Variants in NIPA2 observed in about 807,000 individuals in gnomAD.
The protein encoded by NIPA2 is NIPA magnesium transporter 2, also known as magnesium transporter NIPA2.
NIPA2 carries 11 observed loss-of-function variants against 29.7 expected under a neutral mutation model. The ratio of observed to expected loss-of-function variants is 0.37; its 90% CI spans 0.23 to 0.61. The LOEUF (loss-of-function observed/expected upper bound fraction) is 0.61. Ranked by LOEUF, NIPA2 falls within the 20% of genes least tolerant of loss-of-function variation. The pLI, the probability that NIPA2 is intolerant of heterozygous loss-of-function variation, is 0.66. For missense variants in NIPA2, 426 were observed against 437.9 expected (o/e 0.97, Z 0.24); for synonymous variants, 183 against 161.9 (o/e 1.13, Z -0.99).
In NIPA2 at chr15:22,867,269, CTG is replaced by C. The variant is rs2059161460; in HGVS notation, c.*425_*426del. On this transcript the variant is annotated 3_prime_UTR_variant, in exon 8 of 8. Transcript: ENST00000337451. Reference sequence around the variant, plus strand: ...AACAGAGTTATCCCAATACATTATCCTGTGATTTACCTTACCTACAAAAGTGG... The same window carrying C: ...AACAGAGTTATCCCAATACATTATCCTGATTTACCTTACCTACAAAAGTGG... 2.5e-6 allele frequency: 1 copy of C among 399,422 alleles called. No individual in the cohort carries two copies. The highest frequency in any genetic ancestry group is 3.6e-5 in the East Asian group (1 of 28,040). 24.7% of individuals were successfully genotyped at this position (399,422 alleles called of 1,614,324 possible).
intron 7 of NIPA2, among the ~76,000 whole-genome samples, chr15:22,864,492 C>T (rs1365787414): frequency 2.0e-5 from 3 of 152,074 alleles, no homozygotes; most frequent in Admixed American, 2.0e-4. Flanking sequence ...CTGGTCAGAT[C>T]CCCAGCAAAA....
chr15:22,846,361 T>C (rs1373327674), intron 3 of NIPA2, among the ~76,000 whole-genome samples: 1 of 151,092 alleles, frequency 6.6e-6, no homozygotes, highest in Non-Finnish European at 1.5e-5. Flanking sequence ...AAGCTCCTGG[T>C]TTTTACCAGA....
rs189578547 is a variant in NIPA2, at chr15:22,856,912, T to C, written c.197-1628T>C. The stretch of plus-strand genomic sequence containing the variant: ...TTTGTGAGATCATGCCTCTGCCCTG[T>C]GTAGGATTCCTCAGTAGCTTTTCAA... On this transcript the variant is annotated intron_variant, in intron 5 of 7. Transcript: ENST00000337451. Among the ~76,000 whole-genome samples, 1,133 of 152,338 alleles carry C rather than the reference T, an allele frequency of 7.4e-3. 7 individuals carry two copies. Among genetic ancestry groups the C allele is most frequent in the South Asian group, 0.015 (72 of 4,832 alleles).
intron 3 of NIPA2, among the ~76,000 whole-genome samples, chr15:22,850,581 C>T (rs1380654844): frequency 6.6e-6 from 1 of 152,164 alleles, no homozygotes; most frequent in African/African-American, 2.4e-5. Flanking sequence ...GTTATCACTC[C>T]TTATTTAACT....
rs1020825294 is a variant in NIPA2 at position 22,838,746 on chromosome 15, C to T, written c.-527C>T. On this transcript the variant is annotated 5_prime_UTR_variant, in exon 1 of 8. Transcript: ENST00000337451. Reference sequence around the variant, plus strand: ...TTGGCAGGTTTTCCTCGGCGCTTCTCCATGGAGGAGGCGGTGCGAACGGCT... The same window carrying T: ...TTGGCAGGTTTTCCTCGGCGCTTCTTCATGGAGGAGGCGGTGCGAACGGCT... The T allele has an allele frequency of 2.6e-5, 4 of 152,608 alleles. No homozygotes were observed. The highest frequency in any genetic ancestry group is 9.6e-5 in the African/African-American group (4 of 41,468). 9.5% of individuals were successfully genotyped at this position (152,608 alleles called of 1,614,324 possible).
chr15:22,864,724 C>G (rs1317489585), intron 7 of NIPA2, among the ~76,000 whole-genome samples: 1 of 152,218 alleles, frequency 6.6e-6, no homozygotes, highest in African/African-American at 2.4e-5. Flanking sequence ...CACTTTGTAT[C>G]TTTTGAGCAT....
intron 7 of NIPA2, 51 bp from the exon 8 acceptor site, chr15:22,866,162 T>C: frequency 6.7e-7 from 1 of 1,495,578 alleles, no homozygotes; most frequent in Non-Finnish European, 9.2e-7. Context: ...CATTCTGTGT[T>C]TAAGAACAAC....
chr15:22,864,536 C>T (rs529374688), intron 7 of NIPA2, among the ~76,000 whole-genome samples: 1 of 152,266 alleles, frequency 6.6e-6, no homozygotes, highest in Non-Finnish European at 1.5e-5. Context: ...CTGTGGGCAT[C>T]CTGGGAATTG....
At chr15:22,841,620 T>G (rs562888257) in intron 2 of NIPA2, among the ~76,000 whole-genome samples, 18 of 152,258 alleles carry the variant, frequency 1.2e-4, no homozygotes, top group Admixed American at 1.1e-3. Context: ...GCGATTCTCC[T>G]GCCTCAGCCT....
Position 22,866,351 on chromosome 15 carries a change from T to C in NIPA2, c.587T>C (p.Val196Ala). 6.2e-7 allele frequency: 1 copy of C among 1,614,114 alleles called. No homozygotes were observed. Among genetic ancestry groups the C allele is most frequent in the Non-Finnish European group, 8.5e-7 (1 of 1,180,002 alleles). ...SVIGAFSVSC[V>A]KGLGIAIKEL... ...ATCGGCGCGTTTTCAGTCTCCTGTG[T>C]GAAGGGCCTGGGCATTGCTATCAAG... Residue 196 changes from valine (V) to alanine (A), a missense_variant, in exon 8 of 8, where the codon GTG (valine) becomes GCG (alanine). This residue lies in a region of NIPA2 where 357 missense variants were observed against 339.8 expected (regional missense o/e 1.05). Coordinates refer to ENST00000337451, the MANE Select transcript of NIPA2 (RefSeq NM_030922.7).
intron 7 of NIPA2, among the ~76,000 whole-genome samples, chr15:22,862,049 C>CTTTTTTTTTTTTTTTTTTTTTT (rs57513456): frequency 1.2e-4 from 12 of 103,946 alleles, no homozygotes; most frequent in African/African-American, 4.1e-4. Flanking sequence ...ATGGGTCTCT[C>CTTTTTTTTTTTTTTTTTTTTTT]TTTTTTTTTT....
intron 3 of NIPA2, among the ~76,000 whole-genome samples, chr15:22,851,387 A>T (rs759626226): frequency 3.1e-4 from 47 of 151,548 alleles, no homozygotes; most frequent in Non-Finnish European, 5.0e-4. Context: ...GGCTAGAAAC[A>T]TTTTTTTTTA....
intron 5 of NIPA2, among the ~76,000 whole-genome samples, chr15:22,856,412 AAGTC>A (rs1321227094): frequency 5.9e-5 from 9 of 151,442 alleles, no homozygotes; most frequent in South Asian, 4.2e-4. Context: ...TCTTTTTGAG[AAGTC>A]AGTCATACAT....
intron 2 of NIPA2, among the ~76,000 whole-genome samples, chr15:22,842,867 G>C (rs1897475038): frequency 6.6e-6 from 1 of 151,666 alleles, no homozygotes; most frequent in African/African-American, 2.4e-5. Context: ...GCCTAGTGTA[G>C]TGGTGGGCGC....
In NIPA2 at chr15:22,846,832, A is replaced by AT. The variant is rs1898814605; in HGVS notation, c.-94+1566dup. ...CCCTGTCTCCAAAATAATAATAATA[A>AT]TAATAATAATTATTATTATTATTAT... On this transcript the variant is annotated intron_variant, in intron 3 of 7. Coordinates refer to ENST00000337451, the MANE Select transcript of NIPA2 (RefSeq NM_030922.7). Among the ~76,000 whole-genome samples, 854 of 122,874 alleles carry AT rather than the reference A, an allele frequency of 7.0e-3. 5 individuals carry two copies. Among genetic ancestry groups the AT allele is most frequent in the Admixed American group, 0.021 (220 of 10,478 alleles). 80.6% of individuals were successfully genotyped at this position (122,874 alleles called of 152,430 possible).
intron 4 of NIPA2, among the ~76,000 whole-genome samples, chr15:22,852,988 G>A (rs1192105965): frequency 1.3e-5 from 2 of 152,094 alleles, no homozygotes; most frequent in African/African-American, 2.4e-5. Context: ...CTGATGCTTG[G>A]TCCTAAGAGG....
chr15:22,859,117 T>C (rs564217258), intron 6 of NIPA2, among the ~76,000 whole-genome samples: 53 of 151,956 alleles, frequency 3.5e-4, no homozygotes, highest in Non-Finnish European at 7.4e-4. Flanking sequence ...GAGGTTGCAA[T>C]GACCCGAGAT....
At chr15:22,865,670 G>A (rs952480050) in intron 7 of NIPA2, among the ~76,000 whole-genome samples, 2 of 152,096 alleles carry the variant, frequency 1.3e-5, no homozygotes. Flanking sequence ...CTACACAGTT[G>A]TTGGCTATTA....
intron 3 of NIPA2, among the ~76,000 whole-genome samples, chr15:22,851,016 T>C (rs2057694117): frequency 6.6e-6 from 1 of 152,190 alleles, no homozygotes; most frequent in South Asian, 2.1e-4. Flanking sequence ...GCTTCCTGTC[T>C]GGCCTCGAGG....
Sources: allele counts gnomAD v4.1 joint callset (sites outside exome capture counted in the v4.1 genomes callset), GRCh38; gene constraint gnomAD v4.1.1; regional missense constraint gnomAD v4.1.1; transcripts MANE v1.5; gene names NCBI Gene and HGNC (gene_info 2026-07-23, HGNC 2026-07-21).